Variants in GRXCR1 observed in about 807,000 individuals in gnomAD.
The protein encoded by GRXCR1 is glutaredoxin and cysteine rich domain containing 1, also known as glutaredoxin domain-containing cysteine-rich protein 1.
A neutral mutation model predicts 27.3 loss-of-function variants in GRXCR1; 27 were observed. That is an observed-to-expected ratio of 0.99 (90% confidence interval 0.73 to 1.37). The LOEUF (loss-of-function observed/expected upper bound fraction) is 1.37. Among genes scored for constraint, GRXCR1 ranks in the 40% most tolerant of loss-of-function variants. The pLI is 0.00. For synonymous variants in GRXCR1, 122 were observed against 131.1 expected (o/e 0.93, Z 0.47); for missense variants, 379 against 354.4 (o/e 1.07, Z -0.56).
At chr4:43,002,259 C>A (rs113234530) in intron 2 of GRXCR1, among the ~76,000 whole-genome samples, 1 of 145,350 alleles carries the variant, frequency 6.9e-6, no homozygotes, top group East Asian at 2.2e-4. Context: ...TCCCACGAGG[C>A]CATATTTCAG....
chr4:42,998,760 T>A lies in GRXCR1; in HGVS notation c.628-21594T>A, dbSNP rs1460334072. Among the ~76,000 whole-genome samples the A allele has an allele frequency of 2.0e-5, 3 of 152,168 alleles. No homozygotes were observed. In the East Asian group the frequency reaches 5.8e-4, roughly 29 times the overall value. Reference sequence around the variant, plus strand: ...TTCAAGGAATAATTACCTCTGAAAATGGAAATTTAAACAGAAGAAATGTTT... The same window carrying A: ...TTCAAGGAATAATTACCTCTGAAAAAGGAAATTTAAACAGAAGAAATGTTT... On this transcript the variant is annotated intron_variant, in intron 2 of 3. Transcript: ENST00000399770.
chr4:42,907,982 A>G (rs1480104391), intron 1 of GRXCR1, among the ~76,000 whole-genome samples: 2 of 152,168 alleles, frequency 1.3e-5, no homozygotes, highest in East Asian at 1.9e-4. Context: ...GTAGCACCAC[A>G]TAATAACCAC....
At chr4:42,983,291 A>T (rs905529522) in intron 2 of GRXCR1, among the ~76,000 whole-genome samples, 12 of 145,028 alleles carry the variant, frequency 8.3e-5, no homozygotes, top group Non-Finnish European at 1.8e-4. Flanking sequence ...CAGTTTTCCC[A>T]GCACCATTTA....
At chr4:42,985,861 T>A (rs1711701283) in intron 2 of GRXCR1, among the ~76,000 whole-genome samples, 1 of 152,182 alleles carries the variant, frequency 6.6e-6, no homozygotes, top group South Asian at 2.1e-4. Context: ...AAGCAAACAT[T>A]TATCTTATTC....
chr4:42,894,302 G>A lies in GRXCR1; in HGVS notation c.384+652G>A, dbSNP rs188233116. Among the ~76,000 whole-genome samples, 191 of 152,234 alleles carry A rather than the reference G, an allele frequency of 1.3e-3. 1 individual carries two copies. Among genetic ancestry groups the A allele is most frequent in the African/African-American group, 4.4e-3 (181 of 41,572 alleles). ...AACATTTATTACTTTAAATGTGATA[G>A]ATTCTGCAGAGTAATATAGAAATAT... is the stretch of plus-strand genomic sequence containing the variant. On this transcript the variant is annotated intron_variant, in intron 1 of 3. Coordinates refer to ENST00000399770, the MANE Select transcript of GRXCR1 (RefSeq NM_001080476.3).
intron 2 of GRXCR1, among the ~76,000 whole-genome samples, chr4:42,999,765 C>T (rs994348305): frequency 1.3e-5 from 2 of 152,200 alleles, no homozygotes; most frequent in Non-Finnish European, 1.5e-5. Flanking sequence ...CTTTAATTCA[C>T]TAACAGTATC....
intron 1 of GRXCR1, among the ~76,000 whole-genome samples, chr4:42,929,524 C>A (rs1164048467): frequency 1.3e-5 from 2 of 151,906 alleles, no homozygotes; most frequent in Non-Finnish European, 2.9e-5. Context: ...GAATCTCACT[C>A]ATAAGCATAT....
chr4:43,004,952 C>G (rs1446832303), intron 2 of GRXCR1, among the ~76,000 whole-genome samples: 3 of 152,052 alleles, frequency 2.0e-5, no homozygotes, highest in Admixed American at 2.0e-4. Flanking sequence ...TGGGAGGGTT[C>G]AGGGGTGGAA....
chr4:42,983,746 A>G (rs1216862891), intron 2 of GRXCR1, among the ~76,000 whole-genome samples: 1 of 151,562 alleles, frequency 6.6e-6, no homozygotes, highest in Admixed American at 6.6e-5. Flanking sequence ...AATCCTGTTA[A>G]CTTTTTAAAA....
At chr4:43,004,234 G>C (rs1014353445) in intron 2 of GRXCR1, among the ~76,000 whole-genome samples, 2 of 152,246 alleles carry the variant, frequency 1.3e-5, no homozygotes, top group Admixed American at 1.3e-4. Context: ...GTGTGCAAGA[G>C]ATGAGAGTTA....
At chr4:42,948,234 C>CTT (rs5857877) in intron 1 of GRXCR1, among the ~76,000 whole-genome samples, 1 of 147,372 alleles carries the variant, frequency 6.8e-6, no homozygotes, top group Non-Finnish European at 1.5e-5. Context: ...ATTTCTAGGG[C>CTT]TTTTTTTTTT....
intron 1 of GRXCR1, among the ~76,000 whole-genome samples, chr4:42,943,606 AC>A (rs1747674548): frequency 6.6e-6 from 1 of 152,040 alleles, no homozygotes; most frequent in African/African-American, 2.4e-5. Context: ...AAACAACTAA[AC>A]CAAAGTTATG....
At chr4:42,894,581 A>G (rs1746308048) in intron 1 of GRXCR1, among the ~76,000 whole-genome samples, 1 of 152,152 alleles carries the variant, frequency 6.6e-6, no homozygotes, top group Non-Finnish European at 1.5e-5. Flanking sequence ...GTGAAGAGAG[A>G]GGATTTCAAT....
intron 1 of GRXCR1, among the ~76,000 whole-genome samples, chr4:42,952,449 C>T (rs1407833878): frequency 6.6e-6 from 1 of 152,054 alleles, no homozygotes; most frequent in African/African-American, 2.4e-5. Context: ...CCATCCTAAC[C>T]CCTTTCCATT....
chr4:42,904,766 T>C (rs978709703), intron 1 of GRXCR1, among the ~76,000 whole-genome samples: 3 of 152,132 alleles, frequency 2.0e-5, no homozygotes, highest in East Asian at 1.9e-4. Context: ...CTGCTAGTCA[T>C]TGAGGGTGCA....
intron 2 of GRXCR1, among the ~76,000 whole-genome samples, chr4:42,993,709 A>G (rs1051573203): frequency 6.6e-6 from 1 of 152,140 alleles, no homozygotes; most frequent in East Asian, 1.9e-4. Flanking sequence ...TACTTGAAGT[A>G]TGGTTTCTAC....
At chr4:42,929,210 T>C (rs1747242020) in intron 1 of GRXCR1, among the ~76,000 whole-genome samples, 1 of 151,910 alleles carries the variant, frequency 6.6e-6, no homozygotes, top group Non-Finnish European at 1.5e-5. Flanking sequence ...TTTGCAAATA[T>C]AAAAATGATG....
At chr4:42,901,811 C>T (rs1746468195) in intron 1 of GRXCR1, among the ~76,000 whole-genome samples, 1 of 152,262 alleles carries the variant, frequency 6.6e-6, no homozygotes, top group Non-Finnish European at 1.5e-5. Flanking sequence ...TTGCCATGGC[C>T]ACCAGGGGAT....
chr4:42,938,450 A>G (rs1747510346), intron 1 of GRXCR1, among the ~76,000 whole-genome samples: 1 of 151,926 alleles, frequency 6.6e-6, no homozygotes, highest in South Asian at 2.1e-4. Context: ...TATACCTAGC[A>G]CTGAGATTGC....
Sources: allele counts gnomAD v4.1 joint callset (sites outside exome capture counted in the v4.1 genomes callset), GRCh38; gene constraint gnomAD v4.1.1; transcripts MANE v1.5; gene names NCBI Gene and HGNC (gene_info 2026-07-23, HGNC 2026-07-21).